TDP1: variants seen among roughly 807,000 people sequenced by gnomAD.
TDP1 encodes the protein tyrosyl-DNA phosphodiesterase 1.
TDP1 carries 64 observed loss-of-function variants against 81.5 expected under a neutral mutation model. The observed-to-expected ratio is 0.79, with a 90% CI of 0.64 to 0.97. The LOEUF (loss-of-function observed/expected upper bound fraction) is 0.97, where lower values mean the gene tolerates loss of function less well. Ranked by LOEUF, TDP1 falls within the 50% of genes least tolerant of loss-of-function variation. The pLI, the probability that TDP1 is intolerant of heterozygous loss-of-function variation, is 0.00. For synonymous variants in TDP1, 256 were observed against 264.3 expected (o/e 0.97, Z 0.30); for missense variants, 723 against 743.8 (o/e 0.97, Z 0.33).
intron 14 of TDP1, among the ~76,000 whole-genome samples, chr14:89,998,135 T>A (rs188328699): frequency 6.6e-6 from 1 of 151,966 alleles, no homozygotes; most frequent in Admixed American, 6.6e-5. Flanking sequence ...TCTGTTAATA[T>A]CCCTAGTGGT....
intron 6 of TDP1, among the ~76,000 whole-genome samples, chr14:89,972,042 G>A (rs970607488): frequency 6.6e-6 from 1 of 152,174 alleles, no homozygotes; most frequent in African/African-American, 2.4e-5. Flanking sequence ...AAGTGGTCTT[G>A]TAACAGGCAT....
At chr14:89,994,378 T>C (rs902439902) in intron 14 of TDP1, among the ~76,000 whole-genome samples, 8 of 152,248 alleles carry the variant, frequency 5.3e-5, no homozygotes, top group Non-Finnish European at 8.8e-5. Context: ...TAGTAAGACT[T>C]GATGTTGCAA....
chr14:89,988,813 C>T, intron 10 of TDP1, 92 bp from the exon 11 acceptor site: 1 of 1,573,154 alleles, frequency 6.4e-7, no homozygotes, highest in Non-Finnish European at 8.6e-7. Context: ...GTTAATTAGG[C>T]TTTCCAAGAG....
chr14:90,035,803 T>A (rs1887763322), intron 16 of TDP1, among the ~76,000 whole-genome samples: 1 of 151,280 alleles, frequency 6.6e-6, no homozygotes, highest in Admixed American at 6.6e-5. Context: ...CTAGGCTTTA[T>A]CTGCTGGGGT....
In TDP1 at chr14:90,012,888, G is replaced by A. The variant is rs190165882; in HGVS notation, c.1542-6428G>A. On this transcript the variant is annotated intron_variant, in intron 14 of 16. Coordinates refer to ENST00000335725, the MANE Select transcript of TDP1 (RefSeq NM_018319.4). ...GGGGCAGAGCCTGTCCAAGGTCATG[G>A]AAGCCTACCTCTTGGATCAGCGTGA... Among the ~76,000 whole-genome samples, 450 of 152,348 alleles carry A rather than the reference G, an allele frequency of 3.0e-3. 2 individuals are homozygous for A. The highest frequency in any genetic ancestry group is 2.3e-3 in the Non-Finnish European group (158 of 68,038).
At chr14:89,967,653 A>G (rs898110925) in intron 5 of TDP1, among the ~76,000 whole-genome samples, 2 of 152,228 alleles carry the variant, frequency 1.3e-5, no homozygotes, top group Non-Finnish European at 2.9e-5. Context: ...CAGGAAGTAG[A>G]TAAGGACAGG....
intron 2 of TDP1, among the ~76,000 whole-genome samples, chr14:89,959,524 C>T (rs1461288605): frequency 1.3e-5 from 2 of 152,218 alleles, no homozygotes; most frequent in Admixed American, 6.5e-5. Flanking sequence ...TTTTATTAGT[C>T]TGTTGCACTA....
At chr14:89,984,798 C>T (rs575992882) in intron 9 of TDP1, 115 bp downstream of exon 9, 1 of 1,593,168 alleles carries the variant, frequency 6.3e-7, no homozygotes, top group African/African-American at 1.3e-5. Context: ...AGCCAAGCTT[C>T]AGGATGTGAT....
intron 14 of TDP1, among the ~76,000 whole-genome samples, chr14:90,010,800 G>T (rs1884611390): frequency 6.6e-6 from 1 of 152,148 alleles, no homozygotes; most frequent in African/African-American, 2.4e-5. Flanking sequence ...CATTAAATTT[G>T]TGGCATTTTG....
chr14:89,976,434 T>C (rs568244562), intron 7 of TDP1, among the ~76,000 whole-genome samples: 1 of 152,168 alleles, frequency 6.6e-6, no homozygotes, highest in African/African-American at 2.4e-5. Context: ...TGTTTGCTCA[T>C]TGCTAAAATT....
chr14:89,979,753 G>A (rs909508174), intron 7 of TDP1, among the ~76,000 whole-genome samples: 2 of 152,134 alleles, frequency 1.3e-5, no homozygotes, highest in African/African-American at 2.4e-5. Context: ...TGGAGCTCAG[G>A]TCTTCAGACT....
intron 14 of TDP1, among the ~76,000 whole-genome samples, chr14:90,009,431 G>C (rs1462839680): frequency 6.6e-6 from 1 of 152,224 alleles, no homozygotes; most frequent in African/African-American, 2.4e-5. Flanking sequence ...TATGCCAGGG[G>C]ATAAGAGGCA....
Position 89,971,257 on chromosome 14 carries a change from A to G in TDP1, c.742A>G (p.Ile248Val). 6.2e-7 allele frequency: 1 copy of G among 1,613,994 alleles called. No homozygotes were observed. The highest frequency in any genetic ancestry group is 8.5e-7 in the Non-Finnish European group (1 of 1,179,868). ...TGCCCAGGCCAAGCCTTACGAGAAC[A>G]TCTCTCTCTGCCAGGTAAGCCACTT... is the stretch of plus-strand genomic sequence containing the variant. ...LHAQAKPYEN[I>V]SLCQAKLDIA... Residue 248 changes from isoleucine (I) to valine (V), a missense_variant, in exon 6 of 17, where the codon ATC becomes GTC. Ile to Val is a conservative substitution (Grantham distance 29). Coordinates refer to ENST00000335725, the MANE Select transcript of TDP1 (RefSeq NM_018319.4).
chr14:90,024,083 G>C (rs942459260), intron 15 of TDP1, among the ~76,000 whole-genome samples: 2 of 152,164 alleles, frequency 1.3e-5, no homozygotes, highest in Admixed American at 1.3e-4. Context: ...TCAGTCCACT[G>C]TGGGAATGGG....
upstream of TDP1, chr14:89,955,426 T>A (rs1305835357): frequency 2.7e-5 from 4 of 150,468 alleles, no homozygotes; most frequent in Admixed American, 2.0e-4. Context: ...GTGGGGCGAG[T>A]TCCTTTTCTC....
At chr14:90,029,523 A>T (rs1887040824) in intron 15 of TDP1, among the ~76,000 whole-genome samples, 1 of 116,530 alleles carries the variant, frequency 8.6e-6, no homozygotes. Context: ...TTTGAGACAG[A>T]GTTTCATCAC....
intron 14 of TDP1, among the ~76,000 whole-genome samples, chr14:90,013,378 G>T (rs1436242443): frequency 1.3e-5 from 2 of 152,096 alleles, no homozygotes; most frequent in Non-Finnish European, 2.9e-5. Flanking sequence ...TGAATCATGG[G>T]AGTGGGTTTT....
intron 6 of TDP1, 104 bp from the exon 7 acceptor site, chr14:89,975,677 A>T: frequency 8.8e-7 from 1 of 1,132,422 alleles, no homozygotes; most frequent in Non-Finnish European, 1.3e-6. Context: ...CAGTAAAAAT[A>T]GTTTTAAAAA....
intron 14 of TDP1, among the ~76,000 whole-genome samples, chr14:90,014,822 A>G (rs936181813): frequency 1.3e-5 from 2 of 152,234 alleles, no homozygotes; most frequent in African/African-American, 4.8e-5. Context: ...GGTGATGGCA[A>G]CTGTTCCCAT....
Sources: gnomAD v4.1 joint callset for allele counts (sites outside exome capture counted in the v4.1 genomes callset) on GRCh38, gnomAD v4.1.1 for gene constraint, MANE v1.5 for transcripts, NCBI Gene and HGNC (gene_info 2026-07-23, HGNC 2026-07-21) for gene names.